The following UFL1 variants were observed in gnomAD, a reference collection of about 807,000 sequenced individuals.
UFL1 encodes the protein E3 UFM1-protein ligase 1.
Under a neutral mutation model 99.3 loss-of-function variants are expected in UFL1, and 78 were observed. That is an observed-to-expected ratio of 0.79 (90% confidence interval 0.65 to 0.95). UFL1 has a LOEUF of 0.95. Among genes scored for constraint, UFL1 ranks in the 40% least tolerant of loss-of-function variants. The pLI, the probability that UFL1 is intolerant of heterozygous loss-of-function variation, is 0.00. For missense variants in UFL1, 936 were observed against 937.0 expected, an observed-to-expected ratio of 1.00 and a Z score of 0.01; for synonymous variants, 335 against 322.2, an observed-to-expected ratio of 1.04 and a Z score of -0.42.
At chr6:96,522,977 G>A (rs1286346558) in intron 1 of UFL1, 169 bp from the exon 2 acceptor site, 1 of 533,104 alleles carries the variant, frequency 1.9e-6, no homozygotes, top group East Asian at 3.4e-5. Flanking sequence ...TACTCTGAAA[G>A]GTTTTTTTTT....
chr6:96,537,346 C>A, intron 8 of UFL1, 28 bp from the exon 9 acceptor site: 1 of 1,512,224 alleles, frequency 6.6e-7, no homozygotes, highest in South Asian at 1.3e-5. Context: ...ATTGACAATT[C>A]TAATCCAACT....
At position 96,534,322 on chromosome 6, in the gene UFL1, G is replaced by T; in HGVS notation, c.655+1G>T. 6.4e-7 allele frequency: 1 copy of T among 1,566,176 alleles called. No homozygotes were observed. Among genetic ancestry groups the T allele is most frequent in the South Asian group, 1.2e-5 (1 of 83,062 alleles). ...GGATTTCAGGAGCAGCTTCTTTACT[G>T]TGAGTTTGGTTTAAATTATATTTAC... On this transcript the variant is annotated splice_donor_variant, in intron 7 of 18. Coordinates refer to ENST00000369278, the MANE Select transcript of UFL1 (RefSeq NM_015323.5). LOFTEE classifies it high-confidence loss of function.
chr6:96,555,252 A>C lies in UFL1; in HGVS notation c.*1749A>C, dbSNP rs538667189. On this transcript the variant is annotated 3_prime_UTR_variant, in exon 19 of 19. Transcript: ENST00000369278. ...TGGGCAGGGTTAAGAAAGTTATTTA[A>C]AATAAAGTTACCTATTCTACTAAAT... The C allele has an allele frequency of 6.6e-5, 10 of 152,148 alleles. 1 individual carries two copies. The highest frequency in any genetic ancestry group is 1.0e-4 in the Non-Finnish European group (7 of 68,012). 9.4% of individuals were successfully genotyped at this position (152,148 alleles called of 1,614,324 possible). A position where few individuals can be genotyped will look rare whatever the true frequency, so the allele number is the denominator to read the frequency against.
chr6:96,551,017 A>G (rs1318519287), intron 15 of UFL1, among the ~76,000 whole-genome samples: 3 of 151,976 alleles, frequency 2.0e-5, no homozygotes, highest in African/African-American at 4.8e-5. Flanking sequence ...CATACCATAG[A>G]GCATAACAAG....
Position 96,525,331 on chromosome 6 carries a change from G to T in UFL1, c.287G>T (p.Arg96Ile). Reference sequence around the variant, plus strand: ...GTGGACCTGATTCATATTGAAAATAGAATTGGTGACATTATTAAATCAGAA... The same window carrying T: ...GTGGACCTGATTCATATTGAAAATATAATTGGTGACATTATTAAATCAGAA... Reference protein sequence around the residue: ...INVDLIHIENRIGDIIKSEKH... With the variant: ...INVDLIHIENIIGDIIKSEKH... Residue 96 changes from arginine (R) to isoleucine (I), a missense_variant, in exon 4 of 19, where the codon AGA (arginine) becomes ATA (isoleucine). Arg to Ile is a moderately conservative substitution (Grantham distance 97, BLOSUM62 -3). Coordinates refer to ENST00000369278, the MANE Select transcript of UFL1 (RefSeq NM_015323.5). The T allele has an allele frequency of 6.2e-7, 1 of 1,609,258 alleles. No individual in the cohort carries two copies.
chr6:96,523,192 C>G lies in UFL1; in HGVS notation c.124C>G (p.Gln42Glu). 1 of 1,612,632 alleles carries G rather than the reference C, an allele frequency of 6.2e-7. No individual in the cohort carries two copies. Among genetic ancestry groups the G allele is most frequent in the Non-Finnish European group, 8.5e-7 (1 of 1,179,340 alleles). The change falls in exon 2 of 19, where the codon CAG (glutamine) becomes GAG (glutamate). Residue 42 changes from glutamine (Q) to glutamate (E), a missense_variant. By Grantham distance (29) the Gln-to-Glu change is conservative. Transcript: ENST00000369278. Reference sequence around the variant, plus strand: ...TGAGATTGTTAATAAATTGATTGCTCAGAAACAGCTAGAAGTAGTTCATAC... The same window carrying G: ...TGAGATTGTTAATAAATTGATTGCTGAGAAACAGCTAGAAGTAGTTCATAC... ...CIEIVNKLIA[Q>E]KQLEVVHTLD...
intron 6 of UFL1, among the ~76,000 whole-genome samples, chr6:96,530,920 A>G (rs577835124): frequency 2.0e-5 from 3 of 152,308 alleles, no homozygotes; most frequent in Non-Finnish European, 4.4e-5. Context: ...CAGGCTGCCA[A>G]TCAGTACCAG....
At chr6:96,540,147 C>T (rs578121668) in intron 10 of UFL1, among the ~76,000 whole-genome samples, 2 of 151,314 alleles carry the variant, frequency 1.3e-5, no homozygotes, top group Non-Finnish European at 3.0e-5. Context: ...GGTTCATTAT[C>T]TTTAATAATC....
rs1373835052 is a variant in UFL1 at position 96,534,331 on chromosome 6, GT to G, written c.655+13del. On this transcript the variant is annotated intron_variant, in intron 7 of 18. Coordinates refer to ENST00000369278, the MANE Select transcript of UFL1 (RefSeq NM_015323.5). ...GAGCAGCTTCTTTACTGTGAGTTTG[GT>G]TTAAATTATATTTACTTAATTAGCT... The G allele has an allele frequency of 6.4e-7, 1 of 1,552,952 alleles. No individual in the cohort carries two copies. Among genetic ancestry groups the G allele is most frequent in the African/African-American group, 1.4e-5 (1 of 71,546 alleles).
At chr6:96,542,685 A>C (rs1362138480) in intron 11 of UFL1, among the ~76,000 whole-genome samples, 1 of 151,206 alleles carries the variant, frequency 6.6e-6, no homozygotes, top group Non-Finnish European at 1.5e-5. Context: ...TAGATTGCTC[A>C]AAAGATTTCA....
At position 96,553,544 on chromosome 6, in the gene UFL1, C is replaced by T; in HGVS notation, c.*41C>T. On this transcript the variant is annotated 3_prime_UTR_variant, in exon 19 of 19. Transcript: ENST00000369278. The stretch of plus-strand genomic sequence containing the variant: ...TTTGTCATATAGTAAGCATTTTCCC[C>T]CAAGGTTGAAGGTGAGTGGTCACAA... The T allele has an allele frequency of 6.3e-7, 1 of 1,581,298 alleles. No individual in the cohort carries two copies.
chr6:96,551,579 A>G, intron 16 of UFL1, 66 bp downstream of exon 16: 2 of 1,144,008 alleles, frequency 1.7e-6, no homozygotes, highest in Non-Finnish European at 2.4e-6. Context: ...CTTTGAGTAG[A>G]TTTTTTTATC....
At chr6:96,533,951 A>G (rs974000213) in intron 6 of UFL1, among the ~76,000 whole-genome samples, 2 of 151,896 alleles carry the variant, frequency 1.3e-5, no homozygotes, top group African/African-American at 4.8e-5. Flanking sequence ...CCAAGTAAGG[A>G]AAGAGCCTCC....
chr6:96,526,197 T>C, intron 4 of UFL1, 124 bp from the exon 5 acceptor site: 1 of 696,246 alleles, frequency 1.4e-6, no homozygotes, highest in Non-Finnish European at 2.4e-6. Context: ...GTGGTGTTCA[T>C]GTACACACAC....
intron 9 of UFL1, 52 bp from the exon 10 acceptor site, chr6:96,538,579 C>T (rs1769886728): frequency 6.5e-7 from 1 of 1,542,424 alleles, no homozygotes; most frequent in South Asian, 1.2e-5. Context: ...CAAATGGTTT[C>T]ACTGTATTAT....
chr6:96,534,367 A>G, intron 7 of UFL1, 46 bp downstream of exon 7: 2 of 1,323,640 alleles, frequency 1.5e-6, no homozygotes, highest in East Asian at 2.5e-5. Flanking sequence ...TGCTGAATAG[A>G]CTATTAATGT....
At chr6:96,538,895 T>A in intron 10 of UFL1, 85 bp downstream of exon 10, 1 of 1,190,460 alleles carries the variant, frequency 8.4e-7, no homozygotes, top group Non-Finnish European at 1.2e-6. Flanking sequence ...AGGGGATAAG[T>A]GAAAGTGAAC....
At chr6:96,548,782 A>T (rs1318235207) in intron 13 of UFL1, among the ~76,000 whole-genome samples, 1 of 151,748 alleles carries the variant, frequency 6.6e-6, no homozygotes, top group Non-Finnish European at 1.5e-5. Context: ...AAAATTATGT[A>T]TAACTTGACC....
chr6:96,546,619 T>A (rs780439174), intron 12 of UFL1, among the ~76,000 whole-genome samples: 8 of 151,562 alleles, frequency 5.3e-5, no homozygotes, highest in Non-Finnish European at 8.9e-5. Context: ...CAAATTATAC[T>A]ACAAGGCTAT....
Sources: gnomAD v4.1 joint callset for allele counts (sites outside exome capture counted in the v4.1 genomes callset) on GRCh38, gnomAD v4.1.1 for gene constraint, MANE v1.5 for transcripts, NCBI Gene and HGNC (gene_info 2026-07-23, HGNC 2026-07-21) for gene names.